The following GALC variants were observed in gnomAD, a reference collection of about 807,000 sequenced individuals.
GALC encodes the protein galactocerebrosidase.
GALC carries 77 observed loss-of-function variants against 91.8 expected under a neutral mutation model. That is an observed-to-expected ratio of 0.84 (90% confidence interval 0.70 to 1.01). GALC has a LOEUF of 1.01. Ranked by LOEUF, GALC falls within the 50% of genes least tolerant of loss-of-function variation. GALC has a pLI of 0.00. For synonymous variants in GALC, 357 were observed against 306.7 expected (o/e 1.16, Z -1.71); for missense variants, 882 against 855.9 (o/e 1.03, Z -0.38).
At chr14:87,937,969 T>G (rs1884659124) in intron 16 of GALC, among the ~76,000 whole-genome samples, 1 of 152,072 alleles carries the variant, frequency 6.6e-6, no homozygotes, top group Admixed American at 6.6e-5. Flanking sequence ...ATGTGTAAAT[T>G]TAATGTAATA....
chr14:87,984,575 C>T (rs376901181), intron 4 of GALC, 42 bp from the exon 5 acceptor site: 187 of 1,611,014 alleles, frequency 1.2e-4, no homozygotes, highest in Non-Finnish European at 1.5e-4. Flanking sequence ...GGAGGTATAA[C>T]GGTGCTGGCG....
chr14:87,948,511 T>C (rs982501695), intron 12 of GALC, among the ~76,000 whole-genome samples: 3 of 152,144 alleles, frequency 2.0e-5, no homozygotes, highest in Non-Finnish European at 2.9e-5. Context: ...CTAAGCTTAG[T>C]GTGTGACCAA....
chr14:87,980,340 C>T (rs958918829), intron 6 of GALC, among the ~76,000 whole-genome samples: 16 of 151,372 alleles, frequency 1.1e-4, no homozygotes, highest in Non-Finnish European at 2.4e-4. Flanking sequence ...CAAGATGGCG[C>T]CATTGCACTC....
At chr14:87,938,130 C>T (rs772942968) in intron 16 of GALC, among the ~76,000 whole-genome samples, 9 of 151,954 alleles carry the variant, frequency 5.9e-5, no homozygotes, top group African/African-American at 1.4e-4. Context: ...AAGTATTATT[C>T]GGACTCTTGC....
At chr14:87,938,839 CA>C (rs765198617) in intron 16 of GALC, among the ~76,000 whole-genome samples, 39 of 151,744 alleles carry the variant, frequency 2.6e-4, no homozygotes, top group Admixed American at 9.9e-4. Flanking sequence ...ATACCATAAG[CA>C]AAATTAGAAT....
intron 12 of GALC, 141 bp downstream of exon 12, chr14:87,949,704 A>C (rs957811878): frequency 5.9e-5 from 34 of 576,750 alleles, no homozygotes; most frequent in Non-Finnish European, 9.9e-5. Flanking sequence ...CCACCAAGAC[A>C]AACTAAATGT....
chr14:87,952,973 T>G, intron 10 of GALC: 2 of 956,822 alleles, frequency 2.1e-6, no homozygotes, highest in Non-Finnish European at 3.4e-6. Flanking sequence ...GTCAGAACTT[T>G]CACTCAAATT....
intron 12 of GALC, among the ~76,000 whole-genome samples, chr14:87,949,392 C>T (rs913727264): frequency 1.3e-5 from 2 of 151,904 alleles, no homozygotes; most frequent in Non-Finnish European, 2.9e-5. Flanking sequence ...CCTCTGAGCA[C>T]AGTGGTCACA....
chr14:87,966,575 C>T (rs1886063764), intron 8 of GALC, among the ~76,000 whole-genome samples: 1 of 152,146 alleles, frequency 6.6e-6, no homozygotes, highest in Non-Finnish European at 1.5e-5. Flanking sequence ...AAATAATAGT[C>T]CTAATTTTCA....
At chr14:87,954,912 T>C (rs1885460159) in intron 10 of GALC, 7 of 1,563,260 alleles carry the variant, frequency 4.5e-6, no homozygotes, top group Non-Finnish European at 6.2e-6. Flanking sequence ...CTGTAGTTGA[T>C]GGAAGACATG....
At chr14:87,985,613 T>C (rs2139752552) in intron 4 of GALC, among the ~76,000 whole-genome samples, 1 of 152,362 alleles carries the variant, frequency 6.6e-6, no homozygotes, top group Non-Finnish European at 1.5e-5. Flanking sequence ...TCTTTTAACT[T>C]AGAAAATATT....
chr14:87,970,382 G>T (rs1488777047), intron 7 of GALC, among the ~76,000 whole-genome samples: 5 of 151,918 alleles, frequency 3.3e-5, no homozygotes, highest in Admixed American at 6.6e-5. Context: ...TTTCTATAAT[G>T]AGCATATTAT....
intron 3 of GALC, chr14:87,987,061 A>G: frequency 2.2e-6 from 1 of 454,924 alleles, no homozygotes; most frequent in Non-Finnish European, 4.4e-6. Flanking sequence ...ATATGTCTTG[A>G]TATAGGAAGA....
chr14:87,949,606 C>T (rs1262608945), intron 12 of GALC, among the ~76,000 whole-genome samples: 1 of 151,798 alleles, frequency 6.6e-6, no homozygotes, highest in Non-Finnish European at 1.5e-5. Context: ...TGACCACTGG[C>T]GGGATACAGA....
In GALC at chr14:87,992,970, C is replaced by G. The variant is rs886042057; in HGVS notation, c.195G>C (p.Gly65=). ...CGTATCCCCGCAGCTTGCCGCTCAC[C>G]CCGCCGCCGCTGACCGCGCCGATGC... is the stretch of plus-strand genomic sequence containing the variant. ...FDGIGAVSGG[G]ATSRLLVNYP... Residue 65 remains glycine (G), a splice_region_variant and synonymous_variant, in exon 1 of 17, where the codon GGG becomes GGC. Transcript: ENST00000261304. The G allele has an allele frequency of 1.4e-5, 21 of 1,520,264 alleles. No homozygotes were observed. The African/African-American group carries it at 3.0e-4, about 22-fold the overall frequency. The allele number at this position is 1,520,264 out of a possible 1,614,324, so 94.2% of individuals were successfully genotyped here.
In GALC at chr14:87,984,185, C is replaced by A. The variant is rs113631096; in HGVS notation, c.582+209G>T. ...TCAGAGGAAGGAGGTATACACTCAA[C>A]ACAGTTTTCAAAAGTGGGAACACTG... On this transcript the variant is annotated intron_variant, in intron 5 of 16. Coordinates refer to ENST00000261304, the MANE Select transcript of GALC (RefSeq NM_000153.4). Among the ~76,000 whole-genome samples the A allele has an allele frequency of 3.0e-3, 441 of 145,248 alleles. 1 individual carries two copies. The highest frequency in any genetic ancestry group is 0.011 in the African/African-American group (419 of 39,052).
intron 2 of GALC, 26 bp from the exon 3 acceptor site, chr14:87,988,233 C>T: frequency 1.3e-6 from 2 of 1,585,806 alleles, no homozygotes; most frequent in Non-Finnish European, 1.7e-6. Context: ...ACAGTATTAA[C>T]ATAGTGTTGT....
At position 87,934,571 on chromosome 14, in the gene GALC, C is replaced by T. The variant is rs1447189410; in HGVS notation, c.*161G>A. 6.7e-7 allele frequency: 1 copy of T among 1,484,444 alleles called. No individual in the cohort carries two copies. Among genetic ancestry groups the T allele is most frequent in the Non-Finnish European group, 8.9e-7 (1 of 1,124,418 alleles). The allele number at this position is 1,484,444 out of a possible 1,614,324, so 92.0% of individuals were successfully genotyped here. A position where few individuals can be genotyped will look rare whatever the true frequency, so the allele number is the denominator to read the frequency against. On this transcript the variant is annotated 3_prime_UTR_variant, in exon 17 of 17. Coordinates refer to ENST00000261304, the MANE Select transcript of GALC (RefSeq NM_000153.4). ...TGGAATTAATTCTAATAAAATCTTC[C>T]ACAGGGTAAATTAAAAATAAATTTC...
At chr14:87,986,040 C>T (rs1886955821) in intron 4 of GALC, among the ~76,000 whole-genome samples, 1 of 152,166 alleles carries the variant, frequency 6.6e-6, no homozygotes, top group Non-Finnish European at 1.5e-5. Flanking sequence ...ATGCAATATA[C>T]AATTTTGTAA....
Sources: allele counts gnomAD v4.1 joint callset (sites outside exome capture counted in the v4.1 genomes callset), GRCh38; gene constraint gnomAD v4.1.1; transcripts MANE v1.5; gene names NCBI Gene and HGNC (gene_info 2026-07-23, HGNC 2026-07-21).